SOD2: variants seen among roughly 807,000 people sequenced by gnomAD.
SOD2 encodes superoxide dismutase 2.
Under a neutral mutation model 27.0 loss-of-function variants are expected in SOD2, and 11 were observed. The ratio of observed to expected loss-of-function variants is 0.41; its 90% CI spans 0.26 to 0.67. The LOEUF (loss-of-function observed/expected upper bound fraction) is 0.67, where lower values mean the gene tolerates loss of function less well. Ranked by LOEUF, SOD2 falls within the 30% of genes least tolerant of loss-of-function variation. The pLI, the probability that SOD2 is intolerant of heterozygous loss-of-function variation, is 0.34. For synonymous variants in SOD2, 105 were observed against 103.0 expected, an observed-to-expected ratio of 1.02 and a Z score of -0.12; for missense variants, 250 against 274.5, an observed-to-expected ratio of 0.91 and a Z score of 0.63.
intron 1 of SOD2, chr6:159,753,694 GT>G: frequency 8.1e-6 from 12 of 1,485,114 alleles, no homozygotes; most frequent in Non-Finnish European, 1.1e-5. Context: ...AATATTATAG[GT>G]TAGATTCTGT....
upstream of SOD2, among the ~76,000 whole-genome samples, chr6:159,697,582 T>A (rs62437315): frequency 0.037 from 5,562 of 152,266 alleles, 142 homozygotes; most frequent in South Asian, 0.062. Flanking sequence ...ACAAAAGTGT[T>A]CTGTTAAACA....
chr6:159,690,284 C>CCA (rs1780394743), intron 2 of SOD2, among the ~76,000 whole-genome samples: 1 of 67,016 alleles, frequency 1.5e-5, no homozygotes, highest in Non-Finnish European at 2.8e-5. Context: ...GAGATTCCGT[C>CCA]AAAAAAAAAA....
At chr6:159,730,739 T>A (rs1317556027), upstream of SOD2, 1 of 152,206 alleles carries the variant, frequency 6.6e-6, no homozygotes, top group African/African-American at 2.4e-5. Flanking sequence ...GCTAGAGTGA[T>A]CTTAAAAGTG....
intron 1 of SOD2, among the ~76,000 whole-genome samples, chr6:159,756,708 C>A (rs372220294): frequency 2.7e-5 from 4 of 148,894 alleles, no homozygotes; most frequent in African/African-American, 9.9e-5. Flanking sequence ...CTCAAGTGAT[C>A]CTCCCACTTC....
At chr6:159,752,528 G>A (rs996994644) in intron 1 of SOD2, among the ~76,000 whole-genome samples, 1 of 152,118 alleles carries the variant, frequency 6.6e-6, no homozygotes, top group African/African-American at 2.4e-5. Flanking sequence ...CTAGCATTTG[G>A]AAACTATAAT....
chr6:159,707,632 A>G (rs1444553893), intron 1 of SOD2, among the ~76,000 whole-genome samples: 1 of 152,214 alleles, frequency 6.6e-6, no homozygotes, highest in African/African-American at 2.4e-5. Flanking sequence ...TTAATAGCTT[A>G]CCAACCAAAA....
rs28718310 is a variant in SOD2 at position 159,712,472 on chromosome 6, T to C, written c.-116+14657A>G. Among the ~76,000 whole-genome samples, 128 of 37,940 alleles carry C rather than the reference T, an allele frequency of 3.4e-3. 4 individuals carry two copies. Among genetic ancestry groups the C allele is most frequent in the African/African-American group, 4.6e-3 (73 of 15,980 alleles). The allele number at this position is 37,940 out of a possible 152,430, so 24.9% of individuals were successfully genotyped here. On this transcript the variant is annotated intron_variant, in intron 1 of 2. Coordinates refer to the SOD2 transcript ENST00000401980. ...GCTCAGACCTCCATAACCACCTCCA[T>C]AACCACCACTCAGCTGCTCTGACCT...
At chr6:159,719,985 A>G (rs1778000367) in intron 1 of SOD2, among the ~76,000 whole-genome samples, 3 of 150,736 alleles carry the variant, frequency 2.0e-5, no homozygotes, top group Admixed American at 6.6e-5. Flanking sequence ...CGGTCTCCCA[A>G]AGTCCTGGGA....
chr6:159,689,939 G>A (rs1175766292), intron 2 of SOD2, among the ~76,000 whole-genome samples: 4 of 149,936 alleles, frequency 2.7e-5, no homozygotes, highest in African/African-American at 9.9e-5. Flanking sequence ...CAGCCTGGGC[G>A]ACAGGGCAAT....
At position 159,677,213 on chromosome 6, in the gene SOD2, G is replaced by A. The variant is rs906516987; in HGVS notation, c.*5280C>T. ...ACGCTGGGCATCGAGACTACTGGGT[G>A]CAACAATGGGACACACTGAAAGATG... On this transcript the variant is annotated 3_prime_UTR_variant, in exon 5 of 5. Coordinates refer to ENST00000538183, the MANE Select transcript of SOD2 (RefSeq NM_000636.4). 3.3e-5 allele frequency: 5 copies of A among 152,212 alleles called. No individual in the cohort carries two copies. Among genetic ancestry groups the A allele is most frequent in the Non-Finnish European group, 7.3e-5 (5 of 68,040 alleles). 9.4% of individuals were successfully genotyped at this position (152,212 alleles called of 1,614,324 possible).
In SOD2 at chr6:159,675,761, A is replaced by C. The variant is rs1312927204; in HGVS notation, c.*6732T>G. On this transcript the variant is annotated 3_prime_UTR_variant, in exon 5 of 5. Coordinates refer to ENST00000538183, the MANE Select transcript of SOD2 (RefSeq NM_000636.4). ...AAATTGACAAATGGGATCTCATTAA[A>C]CTCAAGAGCTTCTGCACAGCAAAAG... 5 of 152,212 alleles carry C rather than the reference A, an allele frequency of 3.3e-5. No individual in the cohort carries two copies. The South Asian group carries it at 8.3e-4, about 25-fold the overall frequency. The allele number at this position is 152,212 out of a possible 1,614,324, so 9.4% of individuals were successfully genotyped here.
chr6:159,762,114 C>T (rs1254230412), exon 1 of SOD2: 2 of 1,613,142 alleles, frequency 1.2e-6, no homozygotes, highest in Middle Eastern at 1.7e-4. Flanking sequence ...ATCCTGTGGT[C>T]ATCGTCTCGG....
At chr6:159,732,455 C>G (rs988029050) in intron 1 of SOD2, among the ~76,000 whole-genome samples, 1 of 152,102 alleles carries the variant, frequency 6.6e-6, no homozygotes, top group Admixed American at 6.6e-5. Context: ...ATTTTATGTT[C>G]GTATATACAT....
intron 1 of SOD2, chr6:159,727,095 C>G: frequency 8.4e-7 from 1 of 1,194,646 alleles, no homozygotes; most frequent in Non-Finnish European, 1.1e-6. Flanking sequence ...TCCGACCTCG[C>G]TGGCCCGCCC....
upstream of SOD2, among the ~76,000 whole-genome samples, chr6:159,728,129 C>T (rs1020092519): frequency 2.0e-5 from 3 of 152,364 alleles, no homozygotes; most frequent in African/African-American, 4.8e-5. Context: ...CATTTCATGT[C>T]ACGCAGTAGG....
upstream of SOD2, among the ~76,000 whole-genome samples, chr6:159,747,894 A>AAATG (rs34793146): frequency 4.0e-5 from 6 of 151,702 alleles, no homozygotes; most frequent in Non-Finnish European, 8.8e-5. Flanking sequence ...AACCTTAAAT[A>AAATG]GTTATTTTTT....
chr6:159,690,467 G>C (rs1780408000), intron 2 of SOD2, among the ~76,000 whole-genome samples: 1 of 151,872 alleles, frequency 6.6e-6, no homozygotes, highest in African/African-American at 2.4e-5. Flanking sequence ...ATTTTTAAAA[G>C]GAACATACGT....
intron 1 of SOD2, chr6:159,760,235 G>C (rs1042780371): frequency 1.3e-5 from 2 of 152,190 alleles, no homozygotes; most frequent in Non-Finnish European, 2.9e-5. Context: ...CAGGCTGGAA[G>C]AGTTTGGTTT....
In SOD2 at chr6:159,692,517, A is replaced by G. The variant is rs896277940; in HGVS notation, c.226+144T>C. 3 of 1,471,082 alleles carry G rather than the reference A, an allele frequency of 2.0e-6. No homozygotes were observed. In the East Asian group the frequency reaches 7.5e-5, roughly 37 times the overall value. The allele number at this position is 1,471,082 out of a possible 1,614,324, so 91.1% of individuals were successfully genotyped here. On this transcript the variant is annotated intron_variant, in intron 2 of 4. Transcript: ENST00000538183. Reference sequence around the variant, plus strand: ...ATGAGGTAGACCATGTGTTTAAAAGAGAGACTATCGTGCCTGGAAAACTCG... The same window carrying G: ...ATGAGGTAGACCATGTGTTTAAAAGGGAGACTATCGTGCCTGGAAAACTCG...
Sources: allele counts gnomAD v4.1 joint callset (sites outside exome capture counted in the v4.1 genomes callset), GRCh38; gene constraint gnomAD v4.1.1; transcripts MANE v1.5; gene names NCBI Gene and HGNC (gene_info 2026-07-23, HGNC 2026-07-21).